The following ALK variants were observed in gnomAD, a reference collection of about 807,000 sequenced individuals.
ALK encodes ALK receptor tyrosine kinase, also known as ALK tyrosine kinase receptor.
A neutral mutation model predicts 163.1 loss-of-function variants in ALK; 74 were observed. The observed-to-expected ratio is 0.45, with a 90% confidence interval of 0.38 to 0.55. The LOEUF is 0.55. ALK is among the 20% of genes least tolerant of loss of function. ALK has a pLI of 0.00. For synonymous variants in ALK, 960 were observed against 843.2 expected, an observed-to-expected ratio of 1.14 and a Z score of -2.40; for missense variants, 2,063 against 2,105.3, an observed-to-expected ratio of 0.98 and a Z score of 0.39.
chr2:29,349,261 T>C (rs1668042334), intron 5 of ALK, among the ~76,000 whole-genome samples: 1 of 152,184 alleles, frequency 6.6e-6, no homozygotes, highest in Non-Finnish European at 1.5e-5. Context: ...TGGCCTGTGT[T>C]GCAGCCTGCC....
chr2:29,345,414 T>TTAAATAAA (rs373752148), intron 5 of ALK, among the ~76,000 whole-genome samples: 87 of 147,556 alleles, frequency 5.9e-4, no homozygotes, highest in Non-Finnish European at 7.2e-4. Flanking sequence ...CTGTCTTAAT[T>TTAAATAAA]TAAATAAATA....
chr2:29,344,389 C>T (rs904212785), intron 5 of ALK, among the ~76,000 whole-genome samples: 1 of 152,196 alleles, frequency 6.6e-6, no homozygotes, highest in African/African-American at 2.4e-5. Flanking sequence ...ATCATAAAGA[C>T]TGTGCAGCGT....
chr2:29,749,137 C>A (rs1419374191), intron 1 of ALK, among the ~76,000 whole-genome samples: 1 of 152,206 alleles, frequency 6.6e-6, no homozygotes, highest in African/African-American at 2.4e-5. Context: ...CTCCAAGGCA[C>A]ATCAAAGTCA....
At chr2:29,313,097 G>A (rs903733209) in intron 8 of ALK, among the ~76,000 whole-genome samples, 1 of 152,218 alleles carries the variant, frequency 6.6e-6, no homozygotes, top group African/African-American at 2.4e-5. Flanking sequence ...GGCCATGCAT[G>A]GGCAGAGAGG....
chr2:29,448,622 A>G (rs1235616731), intron 4 of ALK, among the ~76,000 whole-genome samples: 1 of 152,206 alleles, frequency 6.6e-6, no homozygotes, highest in African/African-American at 2.4e-5. Context: ...CAGCCCCACT[A>G]TAAGTCAATC....
chr2:29,881,753 T>C (rs1666875004), intron 1 of ALK, among the ~76,000 whole-genome samples: 2 of 152,168 alleles, frequency 1.3e-5, no homozygotes, highest in African/African-American at 4.8e-5. Context: ...CCCACCCTCT[T>C]CATCTTTTCC....
rs2148183297 is a variant in ALK, at chr2:29,232,350, C to T, written c.2586G>A (p.Glu862=). The T allele has an allele frequency of 6.2e-7, 1 of 1,614,260 alleles. No individual in the cohort carries two copies. Among genetic ancestry groups the T allele is most frequent in the East Asian group, 2.2e-5 (1 of 44,890 alleles). The change falls in exon 15 of 29, where the codon GAG becomes GAA. Residue 862 remains glutamate, a synonymous_variant. Transcript: ENST00000389048. ...TTAGCCCTAGAACCGAGGAGTTATT[C>T]TCCAGTCTCTCTGGGTGGAACGTGT... ...KTDTFHPERL[E]NNSSVLGLNG...
intron 3 of ALK, among the ~76,000 whole-genome samples, chr2:29,689,611 C>G (rs780224240): frequency 2.0e-5 from 3 of 152,154 alleles, no homozygotes; most frequent in Non-Finnish European, 2.9e-5. Flanking sequence ...ACATGCCAAC[C>G]CAGACGCAGG....
At position 29,717,580 on chromosome 2, in the gene ALK, T is replaced by C. The variant is rs755930043; in HGVS notation, c.785A>G (p.Tyr262Cys). ...GTAAATATTAAACATATACTTACCATATCGGCTGCGATGAGACAGGAAAGG... is the reference window on the plus strand; with the variant it reads ...GTAAATATTAAACATATACTTACCACATCGGCTGCGATGAGACAGGAAAGG... ...SFPFLSHRSR[Y>C]GLECSFDFPC... The change falls in exon 2 of 29, where the codon TAT becomes TGT. Residue 262 changes from tyrosine (Y) to cysteine (C), a missense_variant and splice_region_variant. Coordinates refer to ENST00000389048, the MANE Select transcript of ALK (RefSeq NM_004304.5). The C allele has an allele frequency of 1.2e-6, 2 of 1,613,878 alleles. No homozygotes were observed. The highest frequency in any genetic ancestry group is 1.7e-5 in the Admixed American group (1 of 60,000).
intron 20 of ALK, 63 bp downstream of exon 20, chr2:29,223,279 T>C (rs2148170415): frequency 6.3e-7 from 1 of 1,576,012 alleles, no homozygotes; most frequent in Non-Finnish European, 8.7e-7. Flanking sequence ...TCTGCGGTGC[T>C]GTGATAACAT....
At chr2:29,361,970 C>T (rs183479394) in intron 5 of ALK, among the ~76,000 whole-genome samples, 2 of 152,226 alleles carry the variant, frequency 1.3e-5, no homozygotes, top group East Asian at 3.9e-4. Context: ...AGACCTCTGA[C>T]CCTGCCCCAA....
At chr2:29,475,641 A>G (rs1167578079) in intron 4 of ALK, among the ~76,000 whole-genome samples, 1 of 152,038 alleles carries the variant, frequency 6.6e-6, no homozygotes, top group Non-Finnish European at 1.5e-5. Context: ...TGCTAGCTCT[A>G]TGTAGAGATC....
chr2:29,635,240 A>G (rs933063192), intron 3 of ALK, among the ~76,000 whole-genome samples: 1 of 152,202 alleles, frequency 6.6e-6, no homozygotes, highest in African/African-American at 2.4e-5. Context: ...CAGGATGAAT[A>G]ATAACCACCC....
Position 29,251,154 on chromosome 2 carries a change from G to A in ALK, c.2155C>T (p.Pro719Ser), listed in dbSNP as rs759652463. 1 of 1,614,122 alleles carries A rather than the reference G, an allele frequency of 6.2e-7. No individual in the cohort carries two copies. Among genetic ancestry groups the A allele is most frequent in the Non-Finnish European group, 8.5e-7 (1 of 1,180,008 alleles). The change falls in exon 12 of 29, where the codon CCC becomes TCC. Residue 719 changes from proline to serine, a missense_variant. Transcript: ENST00000389048. Reference protein sequence around the residue: ...NLSVEVGSEGPLKGIQIWKVP... With the variant: ...NLSVEVGSEGSLKGIQIWKVP... ...TTCCAGATCTGGATGCCTTTCAGGG[G>A]GCCCTCGCTCCCCACCTCCACGCTC...
chr2:29,913,793 C>T (rs1256602387), intron 1 of ALK, among the ~76,000 whole-genome samples: 3 of 152,138 alleles, frequency 2.0e-5, no homozygotes, highest in African/African-American at 7.2e-5. Context: ...TTTAACTGCT[C>T]TTAATGTGCT....
chr2:29,484,008 A>C (rs1375660857), intron 4 of ALK, among the ~76,000 whole-genome samples: 6 of 152,168 alleles, frequency 3.9e-5, no homozygotes, highest in African/African-American at 1.4e-4. Context: ...GGCAGGAAAG[A>C]GAGCATGTGC....
At chr2:29,605,296 C>T (rs1476747341) in intron 3 of ALK, among the ~76,000 whole-genome samples, 1 of 152,174 alleles carries the variant, frequency 6.6e-6, no homozygotes, top group African/African-American at 2.4e-5. Flanking sequence ...GTAACGCTTC[C>T]TTGCTCGCTA....
At chr2:29,290,605 C>T (rs1665996947) in intron 9 of ALK, among the ~76,000 whole-genome samples, 1 of 152,252 alleles carries the variant, frequency 6.6e-6, no homozygotes, top group Non-Finnish European at 1.5e-5. Context: ...GTGTACCAAC[C>T]TTGTGGCTGG....
At chr2:29,704,077 C>A (rs1678826501) in intron 2 of ALK, among the ~76,000 whole-genome samples, 2 of 152,110 alleles carry the variant, frequency 1.3e-5, no homozygotes. Flanking sequence ...CCAATGTATT[C>A]CTGACAAGCC....
Sources: allele counts gnomAD v4.1 joint callset (sites outside exome capture counted in the v4.1 genomes callset), GRCh38; gene constraint gnomAD v4.1.1; transcripts MANE v1.5; gene names NCBI Gene and HGNC (gene_info 2026-07-23, HGNC 2026-07-21).